The following PIK3C2G variants were observed in gnomAD, a reference collection of about 807,000 sequenced individuals.
PIK3C2G encodes phosphatidylinositol 3-kinase C2 domain-containing subunit gamma.
Under a neutral mutation model 181.1 loss-of-function variants are expected in PIK3C2G, and 168 were observed. That is an observed-to-expected ratio of 0.93 (90% confidence interval 0.82 to 1.05). The LOEUF is 1.05. Ranked by LOEUF, PIK3C2G falls within the 50% of genes least tolerant of loss-of-function variation. The probability of loss-of-function intolerance (pLI) is 0.00; values close to 1 mark genes in which losing one functional copy is unlikely to be tolerated. For synonymous variants in PIK3C2G, 573 were observed against 592.2 expected (o/e 0.97, Z 0.47); for missense variants, 1,869 against 1,732.8 (o/e 1.08, Z -1.40).
At chr12:18,385,643 A>G (rs938133423) in intron 14 of PIK3C2G, among the ~76,000 whole-genome samples, 2 of 152,028 alleles carry the variant, frequency 1.3e-5, no homozygotes, top group African/African-American at 2.4e-5. Context: ...ATCTCGGCTC[A>G]CTGCAACCTC....
chr12:18,622,316 T>C (rs753886755), intron 31 of PIK3C2G, among the ~76,000 whole-genome samples: 10 of 151,954 alleles, frequency 6.6e-5, no homozygotes, highest in Non-Finnish European at 1.3e-4. Context: ...GTATCTGTCT[T>C]CCTGTGTTTG....
chr12:18,711,047 G>A, the PIK3C2G span, among the ~76,000 whole-genome samples: 2 of 151,938 alleles, frequency 1.3e-5, no homozygotes, highest in African/African-American at 4.8e-5. Context: ...TATACCCAAA[G>A]GACTATAAAT....
chr12:18,496,256 C>A, intron 21 of PIK3C2G, 102 bp downstream of exon 21: 2 of 710,312 alleles, frequency 2.8e-6, no homozygotes. Context: ...CCAGCAACAA[C>A]ACATAGGTTT....
intron 5 of PIK3C2G, among the ~76,000 whole-genome samples, chr12:18,311,193 C>CACACACATACAG (rs1950621271): frequency 6.6e-6 from 1 of 151,862 alleles, no homozygotes; most frequent in Admixed American, 6.6e-5. Flanking sequence ...CCACCATATA[C>CACACACATACAG]ACACACATAC....
At position 18,461,707 on chromosome 12, in the gene PIK3C2G, T is replaced by C. The variant is rs545321259; in HGVS notation, c.2505-26742T>C. On this transcript the variant is annotated intron_variant, in intron 18 of 32. Transcript: ENST00000538779. ...CAGAAAGCTAAATAGCCCTTTCCAC[T>C]ATGTGAGGCCACAGCTAAAAGATGC... Among the ~76,000 whole-genome samples, 8 of 152,278 alleles carry C rather than the reference T, an allele frequency of 5.3e-5. No homozygotes were observed. The East Asian group carries it at 1.4e-3, about 26-fold the overall frequency.
intron 30 of PIK3C2G, 65 bp downstream of exon 30, chr12:18,594,634 C>CAACT: frequency 1.2e-6 from 1 of 837,738 alleles, no homozygotes; most frequent in African/African-American, 1.8e-5. Context: ...AAAGATATCA[C>CAACT]AACTAATTTT....
intron 8 of PIK3C2G, among the ~76,000 whole-genome samples, chr12:18,326,791 C>A (rs1248570172): frequency 1.3e-5 from 2 of 152,080 alleles, no homozygotes; most frequent in Non-Finnish European, 2.9e-5. Flanking sequence ...TATATTAAGA[C>A]TTAATTCCTA....
chr12:18,450,455 TAAGTTC>T (rs1387570933), intron 18 of PIK3C2G, among the ~76,000 whole-genome samples: 1 of 152,200 alleles, frequency 6.6e-6, no homozygotes, highest in African/African-American at 2.4e-5. Flanking sequence ...TAAATTTGTT[TAAGTTC>T]CTTGTAGATT....
intron 3 of PIK3C2G, among the ~76,000 whole-genome samples, chr12:18,290,379 A>C (rs2137190665): frequency 6.6e-6 from 1 of 152,286 alleles, no homozygotes; most frequent in Middle Eastern, 3.4e-3. Flanking sequence ...AATTTTAAAG[A>C]AAATGGAGAG....
At chr12:18,568,190 G>A (rs1280476215) in intron 29 of PIK3C2G, among the ~76,000 whole-genome samples, 1 of 152,150 alleles carries the variant, frequency 6.6e-6, no homozygotes, top group South Asian at 2.1e-4. Flanking sequence ...ATTAGGACAT[G>A]AACATCTTTT....
At chr12:18,380,850 A>C (rs1942787627) in intron 13 of PIK3C2G, among the ~76,000 whole-genome samples, 1 of 152,244 alleles carries the variant, frequency 6.6e-6, no homozygotes, top group Admixed American at 6.5e-5. Flanking sequence ...CATGCTTTGC[A>C]TAAGATCTGT....
At chr12:18,611,648 C>T (rs975083935) in intron 31 of PIK3C2G, among the ~76,000 whole-genome samples, 18 of 152,054 alleles carry the variant, frequency 1.2e-4, no homozygotes, top group Admixed American at 7.9e-4. Context: ...AAACCTACAT[C>T]GTTTGCCACC....
the PIK3C2G span, among the ~76,000 whole-genome samples, chr12:18,704,411 C>T: frequency 2.0e-5 from 3 of 152,006 alleles, no homozygotes; most frequent in South Asian, 2.1e-4. Context: ...CTGTAACCCC[C>T]GCCTCCCGGG....
Position 18,293,928 on chromosome 12 carries a change from C to T in PIK3C2G, c.947C>T (p.Ala316Val). The T allele has an allele frequency of 1.9e-6, 3 of 1,572,418 alleles. No individual in the cohort carries two copies. Among genetic ancestry groups the T allele is most frequent in the Non-Finnish European group, 8.8e-7 (1 of 1,142,310 alleles). ...AATTATCTTGTCAAAGATCTAATTG[C>T]AGAAATTCTGCATTTTTGCACAAAT... is the stretch of plus-strand genomic sequence containing the variant. Reference protein sequence around the residue: ...CANYLVKDLIAEILHFCTNDQ... With the variant: ...CANYLVKDLIVEILHFCTNDQ... Residue 316 changes from alanine to valine, a missense_variant, in exon 5 of 33, where the codon GCA becomes GTA. By Grantham distance (64) the Ala-to-Val change is moderately conservative (BLOSUM62 0). Coordinates refer to ENST00000538779, the MANE Select transcript of PIK3C2G (RefSeq NM_001288772.2).
chr12:18,523,618 G>T (rs976890126), intron 24 of PIK3C2G, among the ~76,000 whole-genome samples: 2 of 152,196 alleles, frequency 1.3e-5, no homozygotes. Context: ...CTCCCTCCAT[G>T]GGTAACTGCT....
intron 8 of PIK3C2G, among the ~76,000 whole-genome samples, chr12:18,332,142 C>T (rs1481514061): frequency 6.6e-6 from 1 of 152,040 alleles, no homozygotes; most frequent in Non-Finnish European, 1.5e-5. Flanking sequence ...TAATGCTGGC[C>T]TCATAAAATA....
intron 18 of PIK3C2G, among the ~76,000 whole-genome samples, chr12:18,465,232 C>T (rs780256436): frequency 2.0e-5 from 3 of 151,866 alleles, no homozygotes; most frequent in African/African-American, 4.8e-5. Context: ...ATGAATTTAG[C>T]GTACTTTATG....
chr12:18,362,131 C>G (rs1941287940), intron 11 of PIK3C2G, among the ~76,000 whole-genome samples: 1 of 152,058 alleles, frequency 6.6e-6, no homozygotes, highest in Admixed American at 6.6e-5. Flanking sequence ...CAAGGAGAAG[C>G]CATAAATTGG....
chr12:18,420,541 A>G (rs1565702419), intron 16 of PIK3C2G, among the ~76,000 whole-genome samples: 3 of 152,164 alleles, frequency 2.0e-5, no homozygotes, highest in Non-Finnish European at 4.4e-5. Flanking sequence ...CTGGTTAAAA[A>G]TATTAGATCA....
Sources: allele counts gnomAD v4.1 joint callset (sites outside exome capture counted in the v4.1 genomes callset), GRCh38; gene constraint gnomAD v4.1.1; transcripts MANE v1.5; gene names NCBI Gene and HGNC (gene_info 2026-07-23, HGNC 2026-07-21).